ADAMTSL3: variants seen among roughly 807,000 people sequenced by gnomAD.
ADAMTSL3 encodes the protein ADAMTS-like protein 3.
In ADAMTSL3, 128 loss-of-function variants were observed where a neutral mutation model predicts 201.7. The ratio of observed to expected loss-of-function variants is 0.63; its 90% CI spans 0.55 to 0.73. The LOEUF (loss-of-function observed/expected upper bound fraction) is 0.73. Among genes scored for constraint, ADAMTSL3 ranks in the 30% least tolerant of loss-of-function variants. The pLI, the probability that ADAMTSL3 is intolerant of heterozygous loss-of-function variation, is 0.00. For missense variants in ADAMTSL3, 1,990 were observed against 2,119.6 expected, an observed-to-expected ratio of 0.94 and a Z score of 1.20; for synonymous variants, 738 against 748.4, an observed-to-expected ratio of 0.99 and a Z score of 0.23.
At chr15:83,793,699 A>T (rs1205665267) in intron 4 of ADAMTSL3, among the ~76,000 whole-genome samples, 1 of 152,122 alleles carries the variant, frequency 6.6e-6, no homozygotes, top group Non-Finnish European at 1.5e-5. Context: ...CTAGTCTTGA[A>T]TTCCTGACCT....
intron 4 of ADAMTSL3, among the ~76,000 whole-genome samples, chr15:83,797,596 G>T (rs1304746114): frequency 6.6e-6 from 1 of 151,928 alleles, no homozygotes; most frequent in Non-Finnish European, 1.5e-5. Context: ...GCAAAACTCT[G>T]TCTACCCCAA....
intron 19 of ADAMTSL3, among the ~76,000 whole-genome samples, chr15:83,956,855 A>G (rs1156511833): frequency 6.6e-6 from 1 of 152,174 alleles, no homozygotes; most frequent in African/African-American, 2.4e-5. Flanking sequence ...AAATAGGCCT[A>G]TTTCCATAGC....
intron 25 of ADAMTSL3, 21 bp from the exon 26 acceptor site, chr15:84,021,389 T>C (rs1380143014): frequency 4.3e-6 from 7 of 1,613,238 alleles, no homozygotes; most frequent in Non-Finnish European, 5.9e-6. Flanking sequence ...GCTGGCATGA[T>C]ATTTTGTTTT....
chr15:83,917,223 A>T (rs1240469413), intron 16 of ADAMTSL3, among the ~76,000 whole-genome samples: 3 of 152,238 alleles, frequency 2.0e-5, no homozygotes, highest in Non-Finnish European at 4.4e-5. Flanking sequence ...TCACATTCTG[A>T]TATTCTGTAT....
intron 2 of ADAMTSL3, among the ~76,000 whole-genome samples, chr15:83,702,648 G>A (rs1315643756): frequency 6.6e-6 from 1 of 152,194 alleles, no homozygotes; most frequent in African/African-American, 2.4e-5. Context: ...GTGATGTTGA[G>A]CCTGCAACAG....
chr15:83,694,771 A>G (rs1166620859), intron 2 of ADAMTSL3, among the ~76,000 whole-genome samples: 1 of 152,210 alleles, frequency 6.6e-6, no homozygotes, highest in Admixed American at 6.5e-5. Context: ...GCAGGCATGC[A>G]GGCTCTGCGG....
Position 83,913,355 on chromosome 15 carries a change from C to A in ADAMTSL3, c.1964C>A (p.Pro655His), listed in dbSNP as rs1322993821. Residue 655 changes from proline (P) to histidine (H), a missense_variant, in exon 16 of 30, where the codon CCT becomes CAT. Pro to His is a moderately conservative substitution (Grantham distance 77). Transcript: ENST00000286744. ...TYDWEYAGFT[P>H]CTATCVGGHQ... Reference sequence around the variant, plus strand: ...GACTGGGAGTACGCTGGGTTCACCCCTTGCACAGCAACATGCGTGGGAGGT... The same window carrying A: ...GACTGGGAGTACGCTGGGTTCACCCATTGCACAGCAACATGCGTGGGAGGT... 6.2e-7 allele frequency: 1 copy of A among 1,613,522 alleles called. No individual in the cohort carries two copies. Among genetic ancestry groups the A allele is most frequent in the South Asian group, 1.1e-5 (1 of 91,064 alleles).
At chr15:83,918,363 C>A (rs1055090492) in intron 16 of ADAMTSL3, among the ~76,000 whole-genome samples, 2 of 152,186 alleles carry the variant, frequency 1.3e-5, no homozygotes, top group African/African-American at 4.8e-5. Context: ...AGGAAAAATG[C>A]ATTCATCACA....
At chr15:83,923,277 G>A (rs545035666) in intron 16 of ADAMTSL3, among the ~76,000 whole-genome samples, 1 of 152,228 alleles carries the variant, frequency 6.6e-6, no homozygotes, top group South Asian at 2.1e-4. Flanking sequence ...TAATAAAATG[G>A]AGGTAATAAT....
At chr15:83,837,991 A>G in intron 6 of ADAMTSL3, 98 bp from the exon 7 acceptor site, 1 of 1,456,300 alleles carries the variant, frequency 6.9e-7, no homozygotes, top group African/African-American at 1.4e-5. Context: ...GCCAAACTGT[A>G]AAGTTAAGGA....
At chr15:83,859,490 A>T (rs530963067) in intron 8 of ADAMTSL3, among the ~76,000 whole-genome samples, 79 of 152,308 alleles carry the variant, frequency 5.2e-4, no homozygotes, top group African/African-American at 7.7e-4. Flanking sequence ...CTACCCAGGG[A>T]CATATGTTAA....
intron 26 of ADAMTSL3, among the ~76,000 whole-genome samples, chr15:84,024,079 C>G (rs368429221): frequency 2.0e-5 from 3 of 152,084 alleles, no homozygotes; most frequent in African/African-American, 4.8e-5. Context: ...CACGGTGAAA[C>G]CCCGTCCCTA....
At chr15:83,681,797 C>G (rs750395928) in intron 2 of ADAMTSL3, among the ~76,000 whole-genome samples, 2 of 152,206 alleles carry the variant, frequency 1.3e-5, no homozygotes, top group East Asian at 1.9e-4. Context: ...TCCCGTCTCC[C>G]CTGTGCCCTG....
At chr15:83,748,803 A>C (rs2062592884) in intron 3 of ADAMTSL3, among the ~76,000 whole-genome samples, 1 of 152,200 alleles carries the variant, frequency 6.6e-6, no homozygotes, top group African/African-American at 2.4e-5. Flanking sequence ...AAAATAAGTG[A>C]ACTGATCTAT....
chr15:84,018,899 C>T (rs139721453), intron 25 of ADAMTSL3, among the ~76,000 whole-genome samples: 4 of 152,246 alleles, frequency 2.6e-5, no homozygotes, highest in African/African-American at 9.6e-5. Context: ...TCAAATTGGA[C>T]TGACCGCATC....
At chr15:83,964,603 G>A (rs931076044) in intron 19 of ADAMTSL3, among the ~76,000 whole-genome samples, 3 of 152,156 alleles carry the variant, frequency 2.0e-5, no homozygotes, top group Non-Finnish European at 4.4e-5. Context: ...CACTCTTCAG[G>A]ATATTATCAA....
At chr15:83,840,758 G>A (rs139994432) in intron 7 of ADAMTSL3, among the ~76,000 whole-genome samples, 4 of 152,304 alleles carry the variant, frequency 2.6e-5, no homozygotes, top group African/African-American at 9.6e-5. Flanking sequence ...TTGAATGGTG[G>A]TATACCAATG....
chr15:83,893,194 A>G (rs527260082), intron 13 of ADAMTSL3, among the ~76,000 whole-genome samples: 7 of 152,356 alleles, frequency 4.6e-5, no homozygotes, highest in Non-Finnish European at 8.8e-5. Flanking sequence ...AGCAGAGTCA[A>G]TCAGGAATTA....
intron 7 of ADAMTSL3, among the ~76,000 whole-genome samples, chr15:83,857,377 G>C (rs1478183963): frequency 6.6e-6 from 1 of 152,102 alleles, no homozygotes; most frequent in Non-Finnish European, 1.5e-5. Flanking sequence ...TCATATCCAA[G>C]ATACCACTGC....
Sources: allele counts gnomAD v4.1 joint callset (sites outside exome capture counted in the v4.1 genomes callset), GRCh38; gene constraint gnomAD v4.1.1; transcripts MANE v1.5; gene names NCBI Gene and HGNC (gene_info 2026-07-23, HGNC 2026-07-21).